The following HS6ST3 variants were observed in gnomAD, a reference collection of about 807,000 sequenced individuals.
HS6ST3 encodes the protein heparan-sulfate 6-O-sulfotransferase 3.
HS6ST3 carries 12 observed loss-of-function variants against 36.7 expected under a neutral mutation model. The observed-to-expected ratio is 0.33, with a 90% CI of 0.21 to 0.53. HS6ST3 has a LOEUF of 0.53. Among genes scored for constraint, HS6ST3 ranks in the 20% least tolerant of loss-of-function variants. HS6ST3 has a pLI of 0.95. For synonymous variants in HS6ST3, 240 were observed against 257.5 expected (o/e 0.93, Z 0.65); for missense variants, 584 against 640.9 (o/e 0.91, Z 0.96).
chr13:96,134,454 G>A (rs528870764), intron 1 of HS6ST3, among the ~76,000 whole-genome samples: 24 of 150,150 alleles, frequency 1.6e-4, no homozygotes, highest in Non-Finnish European at 3.3e-4. Flanking sequence ...CTCTTTTTCT[G>A]ATTTTTATTT....
intron 1 of HS6ST3, among the ~76,000 whole-genome samples, chr13:96,281,310 T>C (rs924678801): frequency 6.6e-6 from 1 of 152,164 alleles, no homozygotes; most frequent in Non-Finnish European, 1.5e-5. Context: ...AGCCCAGAAA[T>C]TTTTATCTTT....
intron 1 of HS6ST3, among the ~76,000 whole-genome samples, chr13:96,253,166 G>A (rs1478464905): frequency 6.6e-6 from 1 of 152,066 alleles, no homozygotes; most frequent in Admixed American, 6.5e-5. Context: ...TCTTGGTGGA[G>A]TTTGTGAGCC....
chr13:96,688,569 A>G (rs909641799), intron 1 of HS6ST3, among the ~76,000 whole-genome samples: 1 of 152,058 alleles, frequency 6.6e-6, no homozygotes, highest in Non-Finnish European at 1.5e-5. Context: ...CTCACTTGAT[A>G]TAGAGCTTTA....
At chr13:96,416,803 A>G (rs1594775498) in intron 1 of HS6ST3, among the ~76,000 whole-genome samples, 2 of 148,700 alleles carry the variant, frequency 1.3e-5, no homozygotes, top group Non-Finnish European at 3.0e-5. Context: ...CCCAGGCTAG[A>G]GTGCAGTGGC....
Position 96,327,282 on chromosome 13 carries a change from A to G in HS6ST3, c.707+235713A>G, listed in dbSNP as rs926705587. Among the ~76,000 whole-genome samples, 456 of 151,690 alleles carry G rather than the reference A, an allele frequency of 3.0e-3. 3 individuals carry two copies. The highest frequency in any genetic ancestry group is 0.011 in the African/African-American group (436 of 41,346). On this transcript the variant is annotated intron_variant, in intron 1 of 1. Coordinates refer to ENST00000376705, the MANE Select transcript of HS6ST3 (RefSeq NM_153456.4). The stretch of plus-strand genomic sequence containing the variant: ...GCCTATGTCCTGAATGGTAATGCCT[A>G]GGTTTTCTTGTAGGGTTTTTATGGT...
At chr13:96,145,458 A>C (rs1422116385) in intron 1 of HS6ST3, among the ~76,000 whole-genome samples, 2 of 152,136 alleles carry the variant, frequency 1.3e-5, no homozygotes, top group Non-Finnish European at 2.9e-5. Context: ...TCTTCTTTTG[A>C]GAAGTGTCTG....
intron 1 of HS6ST3, among the ~76,000 whole-genome samples, chr13:96,215,137 T>A (rs776793504): frequency 1.3e-5 from 2 of 152,186 alleles, no homozygotes; most frequent in Admixed American, 6.5e-5. Context: ...TCGGGCCCTT[T>A]ATCTCTGTGT....
intron 1 of HS6ST3, among the ~76,000 whole-genome samples, chr13:96,784,682 T>G (rs1297264329): frequency 2.0e-5 from 3 of 152,164 alleles, no homozygotes. Context: ...TGCCTCAAAT[T>G]GAACATGCAA....
intron 1 of HS6ST3, among the ~76,000 whole-genome samples, chr13:96,781,386 G>A (rs1877523320): frequency 6.6e-6 from 1 of 152,190 alleles, no homozygotes; most frequent in Non-Finnish European, 1.5e-5. Context: ...CCCTTGTGAA[G>A]TGAACAACCT....
At chr13:96,747,048 C>T (rs188537742) in intron 1 of HS6ST3, among the ~76,000 whole-genome samples, 67 of 152,196 alleles carry the variant, frequency 4.4e-4, no homozygotes, top group African/African-American at 1.5e-3. Context: ...AACCTCCCTA[C>T]CATCTGTCTT....
intron 1 of HS6ST3, among the ~76,000 whole-genome samples, chr13:96,792,558 G>T (rs1877817088): frequency 6.6e-6 from 1 of 151,898 alleles, no homozygotes; most frequent in Admixed American, 6.6e-5. Context: ...CTAAAGGCCA[G>T]GACATTGCCT....
chr13:96,310,088 T>C (rs193271871), intron 1 of HS6ST3, among the ~76,000 whole-genome samples: 1 of 152,322 alleles, frequency 6.6e-6, no homozygotes, highest in African/African-American at 2.4e-5. Context: ...TATTACAATC[T>C]GTATTTTAAA....
chr13:96,795,125 GCA>G (rs1196096270), intron 1 of HS6ST3, among the ~76,000 whole-genome samples: 1 of 151,846 alleles, frequency 6.6e-6, no homozygotes. Context: ...AGTCATTCCA[GCA>G]CAGCCGTTTT....
At chr13:96,544,191 TA>T (rs955565029) in intron 1 of HS6ST3, among the ~76,000 whole-genome samples, 5 of 152,166 alleles carry the variant, frequency 3.3e-5, no homozygotes, top group African/African-American at 9.7e-5. Context: ...TTCTCACTGA[TA>T]AACTCAAATC....
chr13:96,568,013 T>C (rs1169750786), intron 1 of HS6ST3, among the ~76,000 whole-genome samples: 1 of 152,230 alleles, frequency 6.6e-6, no homozygotes, highest in African/African-American at 2.4e-5. Context: ...AACTTTCATA[T>C]ACAGCTGCTG....
At chr13:96,353,579 G>A (rs1447466713) in intron 1 of HS6ST3, among the ~76,000 whole-genome samples, 4 of 151,322 alleles carry the variant, frequency 2.6e-5, no homozygotes, top group African/African-American at 7.3e-5. Flanking sequence ...TCAAATAAAC[G>A]GGAAAAGTGT....
intron 1 of HS6ST3, among the ~76,000 whole-genome samples, chr13:96,425,066 A>G (rs2055579906): frequency 6.6e-6 from 1 of 152,170 alleles, no homozygotes; most frequent in South Asian, 2.1e-4. Flanking sequence ...AAGTATGACT[A>G]CCGGCCCTAG....
intron 1 of HS6ST3, among the ~76,000 whole-genome samples, chr13:96,247,454 A>G (rs867370192): frequency 2.6e-5 from 4 of 151,964 alleles, no homozygotes; most frequent in Non-Finnish European, 4.4e-5. Flanking sequence ...TGCTGGTTTT[A>G]TAAGTGGCAA....
chr13:96,095,398 T>TAC (rs1293667913), intron 1 of HS6ST3, among the ~76,000 whole-genome samples: 2 of 152,248 alleles, frequency 1.3e-5, no homozygotes, highest in Non-Finnish European at 2.9e-5. Context: ...TTTTCTCTTT[T>TAC]ATAACGTGTA....
Sources: gnomAD v4.1 joint callset for allele counts (sites outside exome capture counted in the v4.1 genomes callset) on GRCh38, gnomAD v4.1.1 for gene constraint, MANE v1.5 for transcripts, NCBI Gene and HGNC (gene_info 2026-07-23, HGNC 2026-07-21) for gene names.